PELI1: variants seen among roughly 807,000 people sequenced by gnomAD.
PELI1 encodes pellino E3 ubiquitin protein ligase 1.
PELI1 carries 15 observed loss-of-function variants against 41.3 expected under a neutral mutation model. The observed-to-expected ratio is 0.36, with a 90% CI of 0.24 to 0.56. The LOEUF is 0.56. Among genes scored for constraint, PELI1 ranks in the 20% least tolerant of loss-of-function variants. The pLI, the probability that PELI1 is intolerant of heterozygous loss-of-function variation, is 0.82. For synonymous variants in PELI1, 178 were observed against 180.1 expected, an observed-to-expected ratio of 0.99 and a Z score of 0.09; for missense variants, 403 against 525.5, an observed-to-expected ratio of 0.77 and a Z score of 2.28.
intron 2 of PELI1, among the ~76,000 whole-genome samples, chr2:64,105,877 G>A (rs1475624544): frequency 6.6e-6 from 1 of 151,902 alleles, no homozygotes; most frequent in Non-Finnish European, 1.5e-5. Flanking sequence ...AAGGAAGCAG[G>A]GAACAGGGAC....
intron 4 of PELI1, among the ~76,000 whole-genome samples, chr2:64,099,601 A>G (rs1413353039): frequency 6.6e-6 from 1 of 152,358 alleles, no homozygotes; most frequent in South Asian, 2.1e-4. Flanking sequence ...GAAATTAAAT[A>G]TATTTCCAGG....
chr2:64,140,810 A>AAAAAAAAAAAAAAAAC (rs1558490182), intron 1 of PELI1, among the ~76,000 whole-genome samples: 1 of 147,122 alleles, frequency 6.8e-6, no homozygotes, highest in African/African-American at 2.5e-5. Context: ...CAAACAAACA[A>AAAAAAAAAAAAAAAAC]AAAAAAACCT....
intron 1 of PELI1, among the ~76,000 whole-genome samples, chr2:64,134,776 G>A (rs1052457685): frequency 7.9e-5 from 12 of 152,150 alleles, no homozygotes; most frequent in East Asian, 1.9e-4. Context: ...GAAATACTAC[G>A]GATAGTATCT....
intron 1 of PELI1, among the ~76,000 whole-genome samples, chr2:64,113,005 T>C (rs923686963): frequency 1.3e-5 from 2 of 152,026 alleles, no homozygotes; most frequent in Admixed American, 6.6e-5. Flanking sequence ...AGGCTGGGCA[T>C]GGTGGCTCAT....
intron 1 of PELI1, among the ~76,000 whole-genome samples, chr2:64,132,796 A>G (rs940242181): frequency 1.3e-5 from 2 of 152,230 alleles, no homozygotes; most frequent in Admixed American, 1.3e-4. Context: ...TAGTACTTTT[A>G]TAAGTAAAGT....
At chr2:64,120,645 T>C (rs1057439250) in intron 1 of PELI1, among the ~76,000 whole-genome samples, 6 of 152,248 alleles carry the variant, frequency 3.9e-5, no homozygotes, top group Non-Finnish European at 8.8e-5. Flanking sequence ...TAAATGGCTA[T>C]CCAGACAATT....
chr2:64,099,494 AT>A (rs1184806705), intron 4 of PELI1, among the ~76,000 whole-genome samples: 1 of 152,200 alleles, frequency 6.6e-6, no homozygotes, highest in African/African-American at 2.4e-5. Context: ...AAATGCCCAC[AT>A]TCTAATATTA....
At chr2:64,098,845 A>G (rs1211609218) in intron 4 of PELI1, among the ~76,000 whole-genome samples, 1 of 152,180 alleles carries the variant, frequency 6.6e-6, no homozygotes, top group Non-Finnish European at 1.5e-5. Context: ...TTTGATGCAG[A>G]AATGTTTGGA....
intron 1 of PELI1, among the ~76,000 whole-genome samples, chr2:64,118,284 AATT>A (rs1437758198): frequency 2.0e-5 from 3 of 152,154 alleles, no homozygotes; most frequent in Non-Finnish European, 4.4e-5. Context: ...CAATTAGGTA[AATT>A]ATTATGAACA....
intron 1 of PELI1, among the ~76,000 whole-genome samples, chr2:64,123,373 T>A (rs902642796): frequency 1.2e-4 from 18 of 152,220 alleles, no homozygotes; most frequent in Admixed American, 5.9e-4. Flanking sequence ...TCAAAAGTAC[T>A]GCCATAGGTA....
chr2:64,137,386 A>G (rs1442065487), intron 1 of PELI1, among the ~76,000 whole-genome samples: 1 of 152,216 alleles, frequency 6.6e-6, no homozygotes, highest in Non-Finnish European at 1.5e-5. Context: ...ACTGTGTTTT[A>G]AATACCATCC....
chr2:64,115,021 G>T (rs1310600910), intron 1 of PELI1, among the ~76,000 whole-genome samples: 1 of 152,192 alleles, frequency 6.6e-6, no homozygotes, highest in Non-Finnish European at 1.5e-5. Context: ...ACTTGTGTTA[G>T]TAAAGGCCGT....
intron 3 of PELI1, among the ~76,000 whole-genome samples, chr2:64,104,321 A>C (rs1204463476): frequency 6.6e-6 from 1 of 152,202 alleles, no homozygotes; most frequent in African/African-American, 2.4e-5. Context: ...CATATTATAC[A>C]TCACATTCTT....
chr2:64,098,408 T>A (rs536166431), intron 4 of PELI1, among the ~76,000 whole-genome samples: 1 of 152,330 alleles, frequency 6.6e-6, no homozygotes, highest in South Asian at 2.1e-4. Context: ...TATTTGTGTA[T>A]ACAAGCTACA....
intron 1 of PELI1, among the ~76,000 whole-genome samples, chr2:64,122,079 T>A (rs945491110): frequency 6.6e-6 from 1 of 152,042 alleles, no homozygotes; most frequent in African/African-American, 2.4e-5. Flanking sequence ...TTTACAATGA[T>A]GTTTAATTAA....
intron 2 of PELI1, among the ~76,000 whole-genome samples, chr2:64,105,341 A>G (rs183556245): frequency 6.6e-6 from 1 of 152,324 alleles, no homozygotes; most frequent in East Asian, 1.9e-4. Flanking sequence ...ATGCACTCTC[A>G]TTATGTTAGC....
At chr2:64,098,082 T>G (rs1680304382) in intron 4 of PELI1, among the ~76,000 whole-genome samples, 1 of 152,172 alleles carries the variant, frequency 6.6e-6, no homozygotes, top group Non-Finnish European at 1.5e-5. Flanking sequence ...ACATTTCAAC[T>G]GGGTCTTGGA....
Position 64,094,732 on chromosome 2 carries a change from G to A in PELI1, c.1227C>T (p.Ile409=). ...AHQLAGEQGY[I]RLIFQGPLD is the part of the protein sequence containing the mutation. ...CTAGAGGTCCTTGAAAAATAAGTCT[G>A]ATGTAGCCTTGTTCACCAGCCAACT... Residue 409 remains isoleucine, a synonymous_variant, in exon 7 of 7, where the codon ATC becomes ATT. Transcript: ENST00000358912. 6.2e-7 allele frequency: 1 copy of A among 1,613,992 alleles called. No homozygotes were observed.
At chr2:64,105,434 T>C (rs1680588014) in intron 2 of PELI1, among the ~76,000 whole-genome samples, 1 of 152,044 alleles carries the variant, frequency 6.6e-6, no homozygotes, top group Non-Finnish European at 1.5e-5. Flanking sequence ...CCATAACATG[T>C]ACACATACAC....
Sources: gnomAD v4.1 joint callset for allele counts (sites outside exome capture counted in the v4.1 genomes callset) on GRCh38, gnomAD v4.1.1 for gene constraint, MANE v1.5 for transcripts, NCBI Gene and HGNC (gene_info 2026-07-23, HGNC 2026-07-21) for gene names.